The following TECR variants were observed in gnomAD, a reference collection of about 807,000 sequenced individuals.
The protein encoded by TECR is trans-2,3-enoyl-CoA reductase, also known as very-long-chain enoyl-CoA reductase.
In TECR, 19 loss-of-function variants were observed where a neutral mutation model predicts 50.6. The observed-to-expected ratio is 0.38, with a 90% CI of 0.26 to 0.55. The LOEUF (loss-of-function observed/expected upper bound fraction) is 0.55. TECR is among the 20% of genes least tolerant of loss of function. TECR has a pLI of 0.79. For missense variants in TECR, 313 were observed against 408.3 expected (o/e 0.77, Z 2.01); for synonymous variants, 168 against 163.5 (o/e 1.03, Z -0.21).
At position 14,529,629 on chromosome 19, in the gene TECR, G is replaced by A. The variant is rs754981703; in HGVS notation, c.-68G>A. ...TCGCTGCGGTTGCGAGCGCTGTAGG[G>A]AGCCTGTGCTGTGCCGCGCAGTTAG... is the stretch of plus-strand genomic sequence containing the variant. On this transcript the variant is annotated 5_prime_UTR_variant, in exon 1 of 13. Coordinates refer to ENST00000215567, the MANE Select transcript of TECR (RefSeq NM_138501.6). 1.4e-5 allele frequency: 22 copies of A among 1,612,408 alleles called. No individual in the cohort carries two copies. The highest frequency in any genetic ancestry group is 2.7e-5 in the African/African-American group (2 of 74,932).
intron 1 of TECR, chr19:14,562,078 C>A (rs1468527366): frequency 9.6e-6 from 4 of 418,014 alleles, no homozygotes; most frequent in African/African-American, 2.0e-5. Context: ...GCTTTCAGGG[C>A]AGCCTGGCTC....
At chr19:14,538,069 CAT>C (rs1303354136) in intron 1 of TECR, among the ~76,000 whole-genome samples, 1 of 152,112 alleles carries the variant, frequency 6.6e-6, no homozygotes, top group African/African-American at 2.4e-5. Context: ...TATCTAGTAA[CAT>C]ATCTAAATCG....
chr19:14,542,766 C>G (rs1046965578), intron 1 of TECR, among the ~76,000 whole-genome samples: 1 of 152,034 alleles, frequency 6.6e-6, no homozygotes, highest in Admixed American at 6.6e-5. Context: ...CGACTCACCC[C>G]AGTTACATGG....
At chr19:14,555,304 A>G (rs894112988) in intron 1 of TECR, among the ~76,000 whole-genome samples, 38 of 151,134 alleles carry the variant, frequency 2.5e-4, no homozygotes, top group African/African-American at 9.2e-4. Context: ...GCTGGAGTGC[A>G]GTGGTGTGAT....
At chr19:14,539,687 T>G (rs2146570165) in intron 1 of TECR, among the ~76,000 whole-genome samples, 1 of 152,208 alleles carries the variant, frequency 6.6e-6, no homozygotes, top group Admixed American at 6.5e-5. Context: ...GCACATGCTA[T>G]TCCCTCGGCC....
intron 1 of TECR, among the ~76,000 whole-genome samples, chr19:14,540,488 A>C (rs906684399): frequency 6.9e-6 from 1 of 145,238 alleles, no homozygotes; most frequent in African/African-American, 2.6e-5. Flanking sequence ...TGCGTCTGGG[A>C]TTCAAGCATT....
chr19:14,546,112 A>G (rs558840543), intron 1 of TECR, among the ~76,000 whole-genome samples: 1 of 152,292 alleles, frequency 6.6e-6, no homozygotes, highest in South Asian at 2.1e-4. Flanking sequence ...CTGGGGACCA[A>G]GTCCTTCTGC....
intron 1 of TECR, among the ~76,000 whole-genome samples, chr19:14,537,087 TGAG>T (rs1288915314): frequency 1.5e-5 from 2 of 129,088 alleles, no homozygotes; most frequent in Non-Finnish European, 3.2e-5. Flanking sequence ...AGGCATGTCC[TGAG>T]GAGGAGGAGG....
At chr19:14,531,240 T>C (rs568521697) in intron 1 of TECR, 1 of 151,766 alleles carries the variant, frequency 6.6e-6, no homozygotes, top group Admixed American at 6.6e-5. Context: ...TTTCACCATG[T>C]TGACCAGGCT....
chr19:14,547,661 A>ATTT (rs71166755), intron 1 of TECR, among the ~76,000 whole-genome samples: 20 of 142,944 alleles, frequency 1.4e-4, no homozygotes, highest in South Asian at 4.4e-4. Context: ...TGTACCTAAT[A>ATTT]TTTTTTTTTT....
At chr19:14,541,177 C>T (rs550790259) in intron 1 of TECR, among the ~76,000 whole-genome samples, 4 of 151,814 alleles carry the variant, frequency 2.6e-5, no homozygotes, top group Admixed American at 6.6e-5. Context: ...GCAGTCTCAC[C>T]GTGTTGCCCA....
rs367703590 is a variant in TECR, at chr19:14,565,728, C to T, written c.800-16C>T. ...CGGGCCGGCAGCCCCTCCCTGACGC[C>T]CGTTCTTTCCTGCAGTGGCCCTGTT... On this transcript the variant is annotated splice_polypyrimidine_tract_variant and intron_variant, in intron 12 of 12. Coordinates refer to ENST00000215567, the MANE Select transcript of TECR (RefSeq NM_138501.6). 235 of 1,612,470 alleles carry T rather than the reference C, an allele frequency of 1.5e-4. 1 individual carries two copies. The African/African-American group carries it at 2.7e-3, about 18-fold the overall frequency.
Position 14,548,872 on chromosome 19 carries a change from A to G in TECR, c.16-13653A>G, listed in dbSNP as rs1166139299. On this transcript the variant is annotated intron_variant, in intron 1 of 12. Transcript: ENST00000215567. ...TTACAGGCGGGAGCCACCGCATCCA[A>G]CCATCTCAGACATCTCAGCAGCAGT... Among the ~76,000 whole-genome samples, 3 of 152,050 alleles carry G rather than the reference A, an allele frequency of 2.0e-5. No homozygotes were observed. The East Asian group carries it at 5.8e-4, about 29-fold the overall frequency.
chr19:14,564,707 C>T (rs910161093), intron 7 of TECR, 79 bp from the exon 8 acceptor site: 1 of 1,482,314 alleles, frequency 6.7e-7, no homozygotes, highest in Non-Finnish European at 9.4e-7. Context: ...TGCTCCCAGG[C>T]CCCTCGGGAT....
chr19:14,562,701 C>G lies in TECR; in HGVS notation c.66+126C>G, dbSNP rs1434587614. 2.7e-6 allele frequency: 3 copies of G among 1,106,520 alleles called. No homozygotes were observed. In the East Asian group the frequency reaches 7.1e-5, roughly 26 times the overall value. 68.5% of individuals were successfully genotyped at this position (1,106,520 alleles called of 1,614,324 possible). On this transcript the variant is annotated intron_variant, in intron 2 of 12. Transcript: ENST00000215567. ...CCCCTGCCCTATGGAGGGGTATGCCCTCACTTGGGGTAGGGTGGATAGCCA... is the reference window on the plus strand; with the variant it reads ...CCCCTGCCCTATGGAGGGGTATGCCGTCACTTGGGGTAGGGTGGATAGCCA...
At position 14,549,361 on chromosome 19, in the gene TECR, C is replaced by T. The variant is rs182990544; in HGVS notation, c.16-13164C>T. Among the ~76,000 whole-genome samples, 168 of 151,984 alleles carry T rather than the reference C, an allele frequency of 1.1e-3. 1 individual carries two copies. Among genetic ancestry groups the T allele is most frequent in the Admixed American group, 2.2e-3 (34 of 15,258 alleles). Reference sequence around the variant, plus strand: ...CCAAGGAGCTGGGACTACAGGCATGCGCCACCATGCCCAGCTAACTTTTGT... The same window carrying T: ...CCAAGGAGCTGGGACTACAGGCATGTGCCACCATGCCCAGCTAACTTTTGT... On this transcript the variant is annotated intron_variant, in intron 1 of 12. Coordinates refer to ENST00000215567, the MANE Select transcript of TECR (RefSeq NM_138501.6).
chr19:14,529,866 G>C, intron 1 of TECR, 155 bp downstream of exon 1: 1 of 1,032,814 alleles, frequency 9.7e-7, no homozygotes, highest in Non-Finnish European at 1.5e-6. Context: ...CGGGCCACTC[G>C]TAAATTCCAA....
chr19:14,528,332 CGGGT>C (rs1461222356), upstream of TECR, among the ~76,000 whole-genome samples: 1 of 151,558 alleles, frequency 6.6e-6, no homozygotes, highest in Non-Finnish European at 1.5e-5. Flanking sequence ...CTCCGCCTCC[CGGGT>C]TCAAGCAATT....
In TECR at chr19:14,564,218, G is replaced by T; in HGVS notation, c.420G>T (p.Lys140Asn). ...TCTGTCACTCATTCCACTACATCAAGCGCCTGCTGGAGACGCTCTTCGTGC... is the reference window on the plus strand; with the variant it reads ...TCTGTCACTCATTCCACTACATCAATCGCCTGCTGGAGACGCTCTTCGTGC... ...ACICHSFHYI[K>N]RLLETLFVHR... The change falls in exon 7 of 13, where the codon AAG (lysine) becomes AAT (asparagine). Residue 140 changes from lysine to asparagine, a missense_variant. Coordinates refer to ENST00000215567, the MANE Select transcript of TECR (RefSeq NM_138501.6). 6.2e-7 allele frequency: 1 copy of T among 1,608,092 alleles called. No homozygotes were observed.
Sources: gnomAD v4.1 joint callset for allele counts (sites outside exome capture counted in the v4.1 genomes callset) on GRCh38, gnomAD v4.1.1 for gene constraint, MANE v1.5 for transcripts, NCBI Gene and HGNC (gene_info 2026-07-23, HGNC 2026-07-21) for gene names.